Variants in ROBO1 observed in about 807,000 individuals in gnomAD.
ROBO1 encodes roundabout guidance receptor 1.
In ROBO1, 149 loss-of-function variants were observed where a neutral mutation model predicts 195.9. The ratio of observed to expected loss-of-function variants is 0.76; its 90% CI spans 0.67 to 0.87. The LOEUF (loss-of-function observed/expected upper bound fraction) is 0.87. Among genes scored for constraint, ROBO1 ranks in the 40% least tolerant of loss-of-function variants. ROBO1 has a pLI of 0.00. For missense variants in ROBO1, 1,933 were observed against 2,068.3 expected (o/e 0.93, Z 1.27); for synonymous variants, 816 against 733.2 (o/e 1.11, Z -1.82).
chr3:78,644,669 TCCTGCCGTGGCAA>T (rs1199900126), intron 21 of ROBO1, among the ~76,000 whole-genome samples: 3 of 152,158 alleles, frequency 2.0e-5, no homozygotes, highest in Non-Finnish European at 2.9e-5. Flanking sequence ...AATTTTTCCA[TCCTGCCGTGGCAA>T]CTAGCATTTG....
chr3:78,698,948 T>G (rs1331673023), intron 8 of ROBO1, among the ~76,000 whole-genome samples: 2 of 152,156 alleles, frequency 1.3e-5, no homozygotes, highest in African/African-American at 4.8e-5. Flanking sequence ...CAAATGCAAC[T>G]ACCCAGCAAT....
chr3:79,319,560 G>C (rs1161746829), intron 2 of ROBO1, among the ~76,000 whole-genome samples: 1 of 151,784 alleles, frequency 6.6e-6, no homozygotes, highest in Non-Finnish European at 1.5e-5. Flanking sequence ...AAACCTAAAG[G>C]ACTTAAAATA....
intron 4 of ROBO1, among the ~76,000 whole-genome samples, chr3:78,842,584 T>C (rs1265980185): frequency 1.5e-5 from 1 of 66,782 alleles, no homozygotes; most frequent in Non-Finnish European, 3.0e-5. Context: ...TATATATTTA[T>C]ATATGAGCCA....
intron 2 of ROBO1, among the ~76,000 whole-genome samples, chr3:79,161,361 C>G (rs751240474): frequency 6.6e-5 from 10 of 152,026 alleles, no homozygotes; most frequent in Non-Finnish European, 1.3e-4. Context: ...ATATAAGTGA[C>G]AATTCCCAAT....
chr3:79,704,821 T>C (rs1344671705), intron 1 of ROBO1, among the ~76,000 whole-genome samples: 1 of 152,048 alleles, frequency 6.6e-6, no homozygotes, highest in Non-Finnish European at 1.5e-5. Context: ...ATGAGAGTTC[T>C]TGTTTTTCCA....
chr3:78,956,457 A>G (rs1193903794), intron 3 of ROBO1, among the ~76,000 whole-genome samples: 1 of 151,828 alleles, frequency 6.6e-6, no homozygotes, highest in African/African-American at 2.4e-5. Context: ...ATTTTGAAGG[A>G]AAAAAGCCAT....
chr3:78,867,813 T>C (rs2035276431), intron 4 of ROBO1, among the ~76,000 whole-genome samples: 1 of 152,138 alleles, frequency 6.6e-6, no homozygotes, highest in Non-Finnish European at 1.5e-5. Flanking sequence ...ATAGAACCCT[T>C]ATCTTGTGAT....
intron 2 of ROBO1, among the ~76,000 whole-genome samples, chr3:79,188,711 A>T (rs1469678471): frequency 6.6e-6 from 1 of 151,766 alleles, no homozygotes; most frequent in Admixed American, 6.6e-5. Context: ...AATGTGTTTG[A>T]GTACTATCTT....
intron 3 of ROBO1, among the ~76,000 whole-genome samples, chr3:78,960,942 G>C (rs949809899): frequency 6.6e-6 from 1 of 151,966 alleles, no homozygotes; most frequent in Non-Finnish European, 1.5e-5. Context: ...ATCTGTTCTA[G>C]TGTTTTCTGT....
At chr3:79,664,150 A>AT (rs1946407378) in intron 1 of ROBO1, among the ~76,000 whole-genome samples, 1 of 151,998 alleles carries the variant, frequency 6.6e-6, no homozygotes, top group South Asian at 2.1e-4. Flanking sequence ...AATTATTATT[A>AT]TTTTATTTTA....
intron 2 of ROBO1, among the ~76,000 whole-genome samples, chr3:79,227,462 A>C (rs1273476595): frequency 1.3e-5 from 2 of 152,130 alleles, no homozygotes; most frequent in Non-Finnish European, 1.5e-5. Context: ...ATTGTTATCC[A>C]TATATTTCAG....
intron 4 of ROBO1, among the ~76,000 whole-genome samples, chr3:78,841,628 C>A (rs2033209369): frequency 6.6e-6 from 1 of 152,036 alleles, no homozygotes; most frequent in African/African-American, 2.4e-5. Context: ...CATAAAAAAA[C>A]AGAAGTAATC....
intron 2 of ROBO1, among the ~76,000 whole-genome samples, chr3:79,184,243 G>A (rs1235573202): frequency 2.6e-5 from 4 of 152,142 alleles, no homozygotes; most frequent in African/African-American, 9.7e-5. Context: ...GATCGTTAAT[G>A]CTCTTCTGTT....
At chr3:78,683,821 G>C (rs2080988086) in intron 10 of ROBO1, among the ~76,000 whole-genome samples, 1 of 147,154 alleles carries the variant, frequency 6.8e-6, no homozygotes, top group Non-Finnish European at 1.5e-5. Flanking sequence ...AAATATCAAA[G>C]GTGTAAATAA....
At chr3:79,455,729 A>C (rs2039598484) in intron 2 of ROBO1, among the ~76,000 whole-genome samples, 1 of 152,070 alleles carries the variant, frequency 6.6e-6, no homozygotes, top group African/African-American at 2.4e-5. Flanking sequence ...ATATTTTTTG[A>C]AGTATTTAGT....
rs767857850 is a variant in ROBO1 at position 78,639,870 on chromosome 3, C to A, written c.2911G>T (p.Ala971Ser). Reference sequence around the variant, plus strand: ...GTGTCTGCCAGCCATGGCTGCGCGGCAGGTTCACTGATGTTGAGAAGTCCA... The same window carrying A: ...GTGTCTGCCAGCCATGGCTGCGCGGAAGGTTCACTGATGTTGAGAAGTCCA... ...RPGLLNISEP[A>S]AQPWLADTWP... The change falls in exon 22 of 31, where the codon GCC becomes TCC. Residue 971 changes from alanine to serine, a missense_variant. Coordinates refer to ENST00000464233, the MANE Select transcript of ROBO1 (RefSeq NM_002941.4). 1 of 1,606,906 alleles carries A rather than the reference C, an allele frequency of 6.2e-7. No homozygotes were observed. Among genetic ancestry groups the A allele is most frequent in the Non-Finnish European group, 8.5e-7 (1 of 1,175,808 alleles).
intron 4 of ROBO1, among the ~76,000 whole-genome samples, chr3:78,867,165 C>G (rs1479724052): frequency 6.6e-6 from 1 of 152,142 alleles, no homozygotes; most frequent in Admixed American, 6.5e-5. Context: ...GGGATCGTTT[C>G]TTTACCGCAA....
intron 2 of ROBO1, among the ~76,000 whole-genome samples, chr3:79,570,091 T>A (rs563021739): frequency 6.6e-6 from 1 of 151,870 alleles, no homozygotes; most frequent in East Asian, 1.9e-4. Flanking sequence ...AAATGTAAGA[T>A]CCTATGTTAA....
chr3:79,156,234 C>T (rs1022690548), intron 2 of ROBO1, among the ~76,000 whole-genome samples: 9 of 151,216 alleles, frequency 6.0e-5, no homozygotes, highest in South Asian at 2.1e-4. Context: ...ATCCAATGCA[C>T]GGTGTACCTA....
Sources: gnomAD v4.1 joint callset for allele counts (sites outside exome capture counted in the v4.1 genomes callset) on GRCh38, gnomAD v4.1.1 for gene constraint, MANE v1.5 for transcripts, NCBI Gene and HGNC (gene_info 2026-07-23, HGNC 2026-07-21) for gene names.